The following FBXW2 variants were observed in gnomAD, a reference collection of about 807,000 sequenced individuals.
The protein encoded by FBXW2 is F-box/WD repeat-containing protein 2.
A neutral mutation model predicts 46.0 loss-of-function variants in FBXW2; 12 were observed. The observed-to-expected ratio is 0.26, with a 90% CI of 0.17 to 0.42. The LOEUF is 0.42. Ranked by LOEUF, FBXW2 falls within the 10% of genes least tolerant of loss-of-function variation. The pLI, the probability that FBXW2 is intolerant of heterozygous loss-of-function variation, is 1.00. For missense variants in FBXW2, 360 were observed against 537.0 expected (o/e 0.67, Z 3.26); for synonymous variants, 203 against 209.6 (o/e 0.97, Z 0.27).
At chr9:120,791,676 TAA>T (rs1397367246) in intron 2 of FBXW2, among the ~76,000 whole-genome samples, 6 of 152,212 alleles carry the variant, frequency 3.9e-5, no homozygotes, top group Non-Finnish European at 5.9e-5. Flanking sequence ...ATCTTATCAC[TAA>T]GTTTCTCTTC....
In FBXW2 at chr9:120,761,094, A is replaced by C. The variant is rs1324197717; in HGVS notation, c.*3465T>G. The C allele has an allele frequency of 6.6e-6, 1 of 152,190 alleles. No homozygotes were observed. The highest frequency in any genetic ancestry group is 6.5e-5 in the Admixed American group (1 of 15,276). 9.4% of individuals were successfully genotyped at this position (152,190 alleles called of 1,614,324 possible). On this transcript the variant is annotated 3_prime_UTR_variant, in exon 8 of 8. Coordinates refer to ENST00000608872, the MANE Select transcript of FBXW2 (RefSeq NM_012164.4). ...AACTTCTTCCAAGTCCAGTCCTTCC[A>C]CTGGAGGGGCTTTCTTCCTATTTCT...
chr9:120,781,546 G>A (rs112043301), intron 3 of FBXW2, among the ~76,000 whole-genome samples: 2 of 151,828 alleles, frequency 1.3e-5, no homozygotes, highest in Admixed American at 6.6e-5. Context: ...AGGTTTGAAG[G>A]GGGGAAAACT....
chr9:120,788,711 A>G (rs2044771901), intron 2 of FBXW2, among the ~76,000 whole-genome samples: 1 of 152,246 alleles, frequency 6.6e-6, no homozygotes, highest in Non-Finnish European at 1.5e-5. Flanking sequence ...TAAAATCACA[A>G]AAGCAAGCAC....
intron 7 of FBXW2, among the ~76,000 whole-genome samples, chr9:120,769,801 CCCCTA>C (rs2044338692): frequency 6.6e-6 from 1 of 152,202 alleles, no homozygotes; most frequent in South Asian, 2.1e-4. Context: ...CTGGGCAAGG[CCCCTA>C]CCCTGTCTCA....
At chr9:120,790,738 A>T (rs2044820587) in intron 2 of FBXW2, among the ~76,000 whole-genome samples, 1 of 152,202 alleles carries the variant, frequency 6.6e-6, no homozygotes, top group East Asian at 1.9e-4. Flanking sequence ...AATATCTAAG[A>T]GACATACTAT....
At chr9:120,774,498 T>C (rs997441409) in intron 5 of FBXW2, among the ~76,000 whole-genome samples, 7 of 152,136 alleles carry the variant, frequency 4.6e-5, no homozygotes, top group Admixed American at 2.6e-4. Context: ...GGCAACAGAA[T>C]GAGACCCTGT....
intron 3 of FBXW2, among the ~76,000 whole-genome samples, chr9:120,783,178 TA>T (rs745821304): frequency 3.3e-4 from 50 of 151,294 alleles, no homozygotes; most frequent in African/African-American, 9.2e-4. Context: ...TTTTACACCC[TA>T]AAAAAAAATA....
Position 120,758,678 on chromosome 9 carries a change from G to C in FBXW2, c.*5881C>G, listed in dbSNP as rs187707130. 1.3e-5 allele frequency: 2 copies of C among 152,278 alleles called. No homozygotes were observed. Among genetic ancestry groups the C allele is most frequent in the Admixed American group, 6.5e-5 (1 of 15,290 alleles). 9.4% of individuals were successfully genotyped at this position (152,278 alleles called of 1,614,324 possible). A position where few individuals can be genotyped will look rare whatever the true frequency, so the allele number is the denominator to read the frequency against. On this transcript the variant is annotated 3_prime_UTR_variant, in exon 8 of 8. Transcript: ENST00000608872. ...ACTTACTATAACTCCTCTAGGCAAT[G>C]AATCACTTTACCAAGCCACAGCTTT...
rs1281924147 is a variant in FBXW2, at chr9:120,776,085, C to A, written c.819+8G>T. 8 of 1,613,224 alleles carry A rather than the reference C, an allele frequency of 5.0e-6. No homozygotes were observed. The highest frequency in any genetic ancestry group is 1.3e-5 in the African/African-American group (1 of 74,866). On this transcript the variant is annotated splice_region_variant and intron_variant, in intron 5 of 7. Coordinates refer to ENST00000608872, the MANE Select transcript of FBXW2 (RefSeq NM_012164.4). Reference sequence around the variant, plus strand: ...GATAAGCAGGAGACTTCTTCCAAGTCTTCCTACCTTGGTGACCCATTCCGT... The same window carrying A: ...GATAAGCAGGAGACTTCTTCCAAGTATTCCTACCTTGGTGACCCATTCCGT...
Position 120,763,204 on chromosome 9 carries a change from A to G in FBXW2, c.*1355T>C, listed in dbSNP as rs961836336. 6.6e-6 allele frequency: 1 copy of G among 152,224 alleles called. No individual in the cohort carries two copies. Among genetic ancestry groups the G allele is most frequent in the Non-Finnish European group, 1.5e-5 (1 of 68,044 alleles). The allele number at this position is 152,224 out of a possible 1,614,324, so 9.4% of individuals were successfully genotyped here. A position where few individuals can be genotyped will look rare whatever the true frequency, so the allele number is the denominator to read the frequency against. ...TCTCCTAATGACAAAACAGAGCTGA[A>G]TAACTGCCCTATTAGATCAACTTTC... On this transcript the variant is annotated 3_prime_UTR_variant, in exon 8 of 8. Coordinates refer to ENST00000608872, the MANE Select transcript of FBXW2 (RefSeq NM_012164.4).
intron 3 of FBXW2, among the ~76,000 whole-genome samples, chr9:120,784,947 G>A (rs528845182): frequency 1.5e-4 from 23 of 151,188 alleles, no homozygotes; most frequent in African/African-American, 5.3e-4. Flanking sequence ...TGCTACAGGT[G>A]GTTGTGAAAA....
chr9:120,772,060 GAAAAAAA>G (rs59520792), intron 6 of FBXW2, among the ~76,000 whole-genome samples: 9 of 51,300 alleles, frequency 1.8e-4, no homozygotes, highest in Admixed American at 9.6e-4. Context: ...CCCTGTCTCA[GAAAAAAA>G]AAAAAAAAAA....
intron 3 of FBXW2, among the ~76,000 whole-genome samples, chr9:120,779,081 C>T (rs1279876130): frequency 2.6e-5 from 4 of 152,200 alleles, no homozygotes; most frequent in African/African-American, 9.7e-5. Context: ...CTCCAGTCAT[C>T]TTGAAATACG....
intron 7 of FBXW2, among the ~76,000 whole-genome samples, chr9:120,766,567 C>T (rs538033755): frequency 2.6e-5 from 4 of 152,240 alleles, no homozygotes; most frequent in African/African-American, 7.2e-5. Context: ...CGGATTCAAG[C>T]GATTCTCGTG....
At chr9:120,791,867 C>T (rs575296203) in intron 2 of FBXW2, among the ~76,000 whole-genome samples, 14 of 152,268 alleles carry the variant, frequency 9.2e-5, no homozygotes, top group African/African-American at 2.9e-4. Context: ...TCAACTTGCC[C>T]TCTTGCCTTC....
intron 2 of FBXW2, among the ~76,000 whole-genome samples, chr9:120,788,961 T>C (rs2044777912): frequency 6.6e-6 from 1 of 152,242 alleles, no homozygotes; most frequent in Non-Finnish European, 1.5e-5. Context: ...AGAACTTATG[T>C]GGCTTTAGTC....
intron 1 of FBXW2, 22 bp downstream of exon 1, chr9:120,793,332 C>A (rs2044895961): frequency 4.7e-6 from 2 of 427,750 alleles, no homozygotes; most frequent in South Asian, 6.8e-5. Context: ...CCTCCCCGAC[C>A]GGCCCCGCCT....
intron 7 of FBXW2, among the ~76,000 whole-genome samples, chr9:120,766,644 T>C (rs951391296): frequency 1.3e-5 from 2 of 152,224 alleles, no homozygotes; most frequent in Middle Eastern, 3.4e-3. Context: ...TTTGTATTTT[T>C]AGTAGAGATG....
rs1189112795 is a variant in FBXW2, at chr9:120,759,103, A to C, written c.*5456T>G. ...ACTCAAGGGGTTGTTCTATTTTCAAAAACACACTGACTTTTGAAAAGTCCC... is the reference window on the plus strand; with the variant it reads ...ACTCAAGGGGTTGTTCTATTTTCAACAACACACTGACTTTTGAAAAGTCCC... On this transcript the variant is annotated 3_prime_UTR_variant, in exon 8 of 8. Coordinates refer to ENST00000608872, the MANE Select transcript of FBXW2 (RefSeq NM_012164.4). 1 of 152,236 alleles carries C rather than the reference A, an allele frequency of 6.6e-6. No homozygotes were observed. Among genetic ancestry groups the C allele is most frequent in the Non-Finnish European group, 1.5e-5 (1 of 68,044 alleles). 9.4% of individuals were successfully genotyped at this position (152,236 alleles called of 1,614,324 possible).
Sources: allele counts gnomAD v4.1 joint callset (sites outside exome capture counted in the v4.1 genomes callset), GRCh38; gene constraint gnomAD v4.1.1; transcripts MANE v1.5; gene names NCBI Gene and HGNC (gene_info 2026-07-23, HGNC 2026-07-21).